Variants in KTN1 observed in about 807,000 individuals in gnomAD.
KTN1 encodes the protein kinectin 1.
In KTN1, 130 loss-of-function variants were observed where a neutral mutation model predicts 222.5. The observed-to-expected ratio is 0.58, with a 90% CI of 0.51 to 0.68. The LOEUF (loss-of-function observed/expected upper bound fraction) is 0.68. Ranked by LOEUF, KTN1 falls within the 30% of genes least tolerant of loss-of-function variation. The pLI is 0.00. For synonymous variants in KTN1, 512 were observed against 496.3 expected (o/e 1.03, Z -0.42); for missense variants, 1,508 against 1,500.4 (o/e 1.01, Z -0.08).
chr14:55,590,611 A>C (rs2033930408), intron 1 of KTN1, among the ~76,000 whole-genome samples: 1 of 151,236 alleles, frequency 6.6e-6, no homozygotes, highest in South Asian at 2.1e-4. Context: ...TTGAACTCTA[A>C]ATGGAATCCT....
rs756396575 is a variant in KTN1 at position 55,612,468 on chromosome 14, C to CA, written c.426dup (p.Val143SerfsTer8). 1 of 1,613,580 alleles carries CA rather than the reference C, an allele frequency of 6.2e-7. No individual in the cohort carries two copies. The highest frequency in any genetic ancestry group is 8.5e-7 in the Non-Finnish European group (1 of 1,179,876). On this transcript the variant is annotated frameshift_variant, in exon 2 of 44. Transcript: ENST00000395314. LOFTEE classifies it high-confidence loss of function. ...AAAGTGACGCATCAAAGATTCCTGG[C>CA]AAAAAAGTAGAACCTGTCCCAGTTA...
intron 41 of KTN1, among the ~76,000 whole-genome samples, 163 bp from the exon 42 acceptor site, chr14:55,678,189 C>T (rs774534157): frequency 6.6e-6 from 1 of 152,084 alleles, no homozygotes; most frequent in Non-Finnish European, 1.5e-5. Context: ...AACATATGTT[C>T]TTATAATCTG....
At chr14:55,665,071 A>G (rs2044569737) in intron 33 of KTN1, among the ~76,000 whole-genome samples, 2 of 151,500 alleles carry the variant, frequency 1.3e-5, no homozygotes, top group Admixed American at 1.3e-4. Flanking sequence ...CTATATCCCT[A>G]TTTATCTAGC....
intron 1 of KTN1, among the ~76,000 whole-genome samples, chr14:55,610,155 T>C (rs968254529): frequency 2.6e-5 from 4 of 152,216 alleles, no homozygotes; most frequent in Non-Finnish European, 4.4e-5. Context: ...ACTTCAGTCA[T>C]ATAGATTAAT....
intron 42 of KTN1, 39 bp from the exon 43 acceptor site, chr14:55,679,526 T>G (rs1179893501): frequency 6.5e-7 from 1 of 1,535,968 alleles, no homozygotes; most frequent in Non-Finnish European, 8.9e-7. Context: ...TTCTTTTCCT[T>G]GTGTATGGAG....
At chr14:55,598,929 C>T (rs566004494) in intron 1 of KTN1, among the ~76,000 whole-genome samples, 192 of 152,310 alleles carry the variant, frequency 1.3e-3, no homozygotes, top group African/African-American at 4.5e-3. Flanking sequence ...GTTCTTTCCT[C>T]TCCTTGAATT....
At chr14:55,608,624 CTT>C (rs575646665) in intron 1 of KTN1, among the ~76,000 whole-genome samples, 55 of 138,902 alleles carry the variant, frequency 4.0e-4, no homozygotes, top group African/African-American at 7.9e-4. Context: ...TTGCTGTGAA[CTT>C]TTTTTTTTTT....
At chr14:55,641,075 G>A (rs2041750607) in intron 16 of KTN1, 52 bp from the exon 17 acceptor site, 13 of 1,480,160 alleles carry the variant, frequency 8.8e-6, no homozygotes, top group Non-Finnish European at 1.2e-5. Context: ...CATAATTCTT[G>A]TAGATTTTCT....
At chr14:55,624,295 A>G (rs2039519631) in intron 5 of KTN1, among the ~76,000 whole-genome samples, 1 of 152,176 alleles carries the variant, frequency 6.6e-6, no homozygotes, top group African/African-American at 2.4e-5. Flanking sequence ...AATAAAGACG[A>G]CTTTAGAGCA....
At chr14:55,582,491 G>A (rs1163259941) in intron 1 of KTN1, among the ~76,000 whole-genome samples, 1 of 152,120 alleles carries the variant, frequency 6.6e-6, no homozygotes, top group African/African-American at 2.4e-5. Flanking sequence ...TGAATGTTAA[G>A]TTATGGTTAA....
chr14:55,668,375 A>G (rs1239820165), intron 34 of KTN1: 1 of 152,100 alleles, frequency 6.6e-6, no homozygotes, highest in East Asian at 1.9e-4. Flanking sequence ...AAAAAAAACA[A>G]AAACAAAACT....
chr14:55,612,506 C>T lies in KTN1; in HGVS notation c.458C>T (p.Thr153Ile), dbSNP rs2037734477. The T allele has an allele frequency of 4.3e-6, 7 of 1,612,284 alleles. No homozygotes were observed. In the South Asian group the frequency reaches 7.7e-5, roughly 18 times the overall value. Reference protein sequence around the residue: ...VEPVPVTKQPTPPSEAAASKK... With the variant: ...VEPVPVTKQPIPPSEAAASKK... ...CCTGTCCCAGTTACTAAACAGCCCA[C>T]CCCTCCCTCTGAAGCAGCTGCCTCG... is the stretch of plus-strand genomic sequence containing the variant. Residue 153 changes from threonine to isoleucine, a missense_variant, in exon 2 of 44, where the codon ACC becomes ATC. Physicochemically the swap from Thr to Ile is moderately conservative, Grantham distance 89. Transcript: ENST00000395314.
chr14:55,648,408 C>A (rs2042609853), intron 20 of KTN1, among the ~76,000 whole-genome samples: 1 of 152,070 alleles, frequency 6.6e-6, no homozygotes, highest in Non-Finnish European at 1.5e-5. Context: ...GTACTGGAGG[C>A]CAGAGAAGAG....
At position 55,612,560 on chromosome 14, in the gene KTN1, A is replaced by G. The variant is rs763225722; in HGVS notation, c.512A>G (p.Lys171Arg). ...AAGAAACCAGGGCAGAAGAAGTCTAAAAATGGAAGCGGTATTGTAATCTAT... is the reference window on the plus strand; with the variant it reads ...AAGAAACCAGGGCAGAAGAAGTCTAGAAATGGAAGCGGTATTGTAATCTAT... ...SKKKPGQKKS[K>R]NGSDDQDKKV... is the part of the protein sequence containing the mutation. The change falls in exon 2 of 44, where the codon AAA becomes AGA. Residue 171 changes from lysine (K) to arginine (R), a missense_variant. Coordinates refer to ENST00000395314, the MANE Select transcript of KTN1 (RefSeq NM_001079521.2). The G allele has an allele frequency of 7.0e-5, 111 of 1,580,438 alleles. No homozygotes were observed. Among genetic ancestry groups the G allele is most frequent in the Non-Finnish European group, 9.0e-5 (105 of 1,170,898 alleles).
At chr14:55,654,509 A>G (rs1440305138) in intron 28 of KTN1, among the ~76,000 whole-genome samples, 1 of 150,702 alleles carries the variant, frequency 6.6e-6, no homozygotes. Flanking sequence ...CCATTAAAGT[A>G]GGTAATTTTA....
chr14:55,582,594 C>T (rs2031952235), intron 1 of KTN1, among the ~76,000 whole-genome samples: 1 of 152,056 alleles, frequency 6.6e-6, no homozygotes, highest in African/African-American at 2.4e-5. Context: ...TATACATTTC[C>T]TATGTGTAAG....
chr14:55,658,023 T>C (rs1246213487), intron 29 of KTN1, among the ~76,000 whole-genome samples: 1 of 152,216 alleles, frequency 6.6e-6, no homozygotes, highest in Non-Finnish European at 1.5e-5. Context: ...AACAATAACA[T>C]TGTAACCATT....
intron 1 of KTN1, among the ~76,000 whole-genome samples, chr14:55,592,377 C>T (rs1237991368): frequency 6.6e-6 from 1 of 152,154 alleles, no homozygotes; most frequent in Non-Finnish European, 1.5e-5. Context: ...AATACTTTGA[C>T]AGTATGGAGT....
intron 31 of KTN1, among the ~76,000 whole-genome samples, chr14:55,659,932 T>C (rs1357085658): frequency 6.6e-6 from 1 of 152,208 alleles, no homozygotes; most frequent in Non-Finnish European, 1.5e-5. Flanking sequence ...TTTTTGTTTT[T>C]TTAGGCATTC....
Sources: gnomAD v4.1 joint callset for allele counts (sites outside exome capture counted in the v4.1 genomes callset) on GRCh38, gnomAD v4.1.1 for gene constraint, MANE v1.5 for transcripts, NCBI Gene and HGNC (gene_info 2026-07-23, HGNC 2026-07-21) for gene names.